Variants in KIF13A observed in about 807,000 individuals in gnomAD.
The protein encoded by KIF13A is kinesin family member 13A, also known as kinesin-like protein KIF13A.
In KIF13A, 79 loss-of-function variants were observed where a neutral mutation model predicts 212.2. The observed-to-expected ratio is 0.37, with a 90% CI of 0.31 to 0.45. The LOEUF (loss-of-function observed/expected upper bound fraction) is 0.45, where lower values mean the gene tolerates loss of function less well. Ranked by LOEUF, KIF13A falls within the 20% of genes least tolerant of loss-of-function variation. The probability of loss-of-function intolerance (pLI) is 1.00; values close to 1 mark genes in which losing one functional copy is unlikely to be tolerated. For synonymous variants in KIF13A, 789 were observed against 808.6 expected (o/e 0.98, Z 0.41); for missense variants, 1,901 against 2,209.0 (o/e 0.86, Z 2.79).
chr6:17,775,537 T>C (rs1170863496), intron 34 of KIF13A, among the ~76,000 whole-genome samples: 5 of 152,254 alleles, frequency 3.3e-5, no homozygotes, highest in Admixed American at 3.3e-4. Context: ...AAAAATTCTG[T>C]TGAGAATGAT....
rs544931891 is a variant in KIF13A, at chr6:17,984,691, T to C, written c.146+2363A>G. Among the ~76,000 whole-genome samples, 4 of 152,298 alleles carry C rather than the reference T, an allele frequency of 2.6e-5. No homozygotes were observed. The highest frequency in any genetic ancestry group is 3.9e-4 in the East Asian group (2 of 5,178). On this transcript the variant is annotated intron_variant, in intron 2 of 38. Coordinates refer to ENST00000259711, the MANE Select transcript of KIF13A (RefSeq NM_022113.6). This position sits in a 1 kb window ranked among gnomAD's most constrained non-coding sequence, Gnocchi z 5.0. ...TCAATTTCTATCCATGGCTAATTCA[T>C]TGGTAATTTCTTGCAACTTTCAGAA...
intron 2 of KIF13A, among the ~76,000 whole-genome samples, chr6:17,960,784 T>C (rs1778752001): frequency 1.3e-5 from 2 of 152,194 alleles, no homozygotes; most frequent in African/African-American, 2.4e-5. Context: ...GTCTATCATA[T>C]AGTAGTGCAG....
chr6:17,781,042 C>G (rs1225059091), intron 30 of KIF13A, 135 bp downstream of exon 30: 13 of 1,372,684 alleles, frequency 9.5e-6, no homozygotes, highest in Non-Finnish European at 7.1e-6. Flanking sequence ...CTTTTTTAAA[C>G]AGCAACACAA....
chr6:17,879,416 A>G (rs1408477502), intron 3 of KIF13A, among the ~76,000 whole-genome samples: 1 of 152,202 alleles, frequency 6.6e-6, no homozygotes, highest in Non-Finnish European at 1.5e-5. Flanking sequence ...AAGAACTATT[A>G]TGAGTAAGCA....
Position 17,809,943 on chromosome 6 carries a change from C to T in KIF13A, c.2001-1013G>A, listed in dbSNP as rs1243335973. The stretch of plus-strand genomic sequence containing the variant: ...AAAACAGTTTCTTAAAACCATATTA[C>T]CAGCTGGGGGCAGTGGCTCATGGCT... On this transcript the variant is annotated intron_variant, in intron 17 of 38. Coordinates refer to ENST00000259711, the MANE Select transcript of KIF13A (RefSeq NM_022113.6). The surrounding 1 kb of genome is among the most constrained non-coding windows in gnomAD (Gnocchi z 4.7). Among the ~76,000 whole-genome samples, 1 of 152,118 alleles carries T rather than the reference C, an allele frequency of 6.6e-6. No individual in the cohort carries two copies. The highest frequency in any genetic ancestry group is 1.5e-5 in the Non-Finnish European group (1 of 68,028).
At position 17,804,519 on chromosome 6, in the gene KIF13A, T is replaced by G; in HGVS notation, c.2305-9A>C. 20 of 1,585,386 alleles carry G rather than the reference T, an allele frequency of 1.3e-5. No homozygotes were observed. The highest frequency in any genetic ancestry group is 1.7e-5 in the Non-Finnish European group (20 of 1,164,148). ...CCGTAGAGTCTCTTTGCCTGAGAAGTAGGAGGGGCCAGTGAGTGGACGAAT... is the reference window on the plus strand; with the variant it reads ...CCGTAGAGTCTCTTTGCCTGAGAAGGAGGAGGGGCCAGTGAGTGGACGAAT... On this transcript the variant is annotated splice_polypyrimidine_tract_variant and intron_variant, in intron 19 of 38. Transcript: ENST00000259711.
At position 17,811,284 on chromosome 6, in the gene KIF13A, C is replaced by A. The variant is rs1227034756; in HGVS notation, c.2001-2354G>T. Among the ~76,000 whole-genome samples the A allele has an allele frequency of 2.6e-5, 4 of 152,172 alleles. No individual in the cohort carries two copies. The highest frequency in any genetic ancestry group is 5.9e-5 in the Non-Finnish European group (4 of 68,038). On this transcript the variant is annotated intron_variant, in intron 17 of 38. Coordinates refer to ENST00000259711, the MANE Select transcript of KIF13A (RefSeq NM_022113.6). The surrounding 1 kb of genome is among the most constrained non-coding windows in gnomAD (Gnocchi z 6.0). ...TGCTTTTCACTTCAATACATTCACACAATCAATGCATACAATATTTACTAA... is the reference window on the plus strand; with the variant it reads ...TGCTTTTCACTTCAATACATTCACAAAATCAATGCATACAATATTTACTAA...
rs186507180 is a variant in KIF13A, at chr6:17,890,959, C to T, written c.159+7209G>A. 5.9e-5 allele frequency among the ~76,000 whole-genome samples: 9 copies of T among 152,090 alleles called. No homozygotes were observed. In the East Asian group the frequency reaches 7.7e-4, roughly 13 times the overall value. ...ACAGGCATGAGCTACCACACCCAGT[C>T]GAATTTCCCTAATTTACACCTATCT... On this transcript the variant is annotated intron_variant, in intron 3 of 38. Coordinates refer to ENST00000259711, the MANE Select transcript of KIF13A (RefSeq NM_022113.6).
chr6:17,960,805 A>G (rs761890695), intron 2 of KIF13A, among the ~76,000 whole-genome samples: 3 of 152,230 alleles, frequency 2.0e-5, no homozygotes, highest in Non-Finnish European at 4.4e-5. Flanking sequence ...GAGAAACAGC[A>G]AAGTAAAAGT....
At chr6:17,981,625 T>C (rs1455269472) in intron 2 of KIF13A, among the ~76,000 whole-genome samples, 2 of 151,982 alleles carry the variant, frequency 1.3e-5, no homozygotes, top group Non-Finnish European at 2.9e-5. Context: ...GGTTTCACAA[T>C]GTTGGCCAGG....
intron 20 of KIF13A, among the ~76,000 whole-genome samples, chr6:17,803,701 G>GC (rs1762670082): frequency 6.6e-6 from 1 of 152,134 alleles, no homozygotes; most frequent in Non-Finnish European, 1.5e-5. Context: ...GGGCCAGGAA[G>GC]GAACTAGAGT....
chr6:17,865,388 T>C (rs906672600), intron 4 of KIF13A, among the ~76,000 whole-genome samples: 1 of 151,952 alleles, frequency 6.6e-6, no homozygotes, highest in African/African-American at 2.4e-5. Flanking sequence ...GCCTACTCAT[T>C]TGTGAGGGTG....
intron 20 of KIF13A, among the ~76,000 whole-genome samples, chr6:17,803,622 CTGTTT>C (rs1463256103): frequency 6.6e-6 from 1 of 152,074 alleles, no homozygotes; most frequent in Admixed American, 6.5e-5. Flanking sequence ...TCATTGAAGC[CTGTTT>C]TGTTTTGAGT....
Position 17,781,300 on chromosome 6 carries a change from C to T in KIF13A, c.3546G>A (p.Ala1182=), listed in dbSNP as rs370000382. Residue 1182 remains alanine (A), a splice_region_variant and synonymous_variant, in exon 30 of 39, where the codon GCG becomes GCA. Coordinates refer to ENST00000259711, the MANE Select transcript of KIF13A (RefSeq NM_022113.6). ...HIPVLFLDLN[A]DDLSANEQLV... is the part of the protein sequence containing the mutation. ...GCTGCTCATTGGCACTGAGGTCATCCGCTAACCACATCAGGAGCACAGAAA... is the reference window on the plus strand; with the variant it reads ...GCTGCTCATTGGCACTGAGGTCATCTGCTAACCACATCAGGAGCACAGAAA... 148 of 1,593,530 alleles carry T rather than the reference C, an allele frequency of 9.3e-5. No homozygotes were observed. Among genetic ancestry groups the T allele is most frequent in the Admixed American group, 1.7e-4 (9 of 54,402 alleles).
chr6:17,931,004 T>C (rs1775938539), intron 2 of KIF13A, among the ~76,000 whole-genome samples: 1 of 152,202 alleles, frequency 6.6e-6, no homozygotes, highest in Non-Finnish European at 1.5e-5. Context: ...AAAATATCAA[T>C]GAAACACACA....
At position 17,846,088 on chromosome 6, in the gene KIF13A, T is replaced by C. The variant is rs191687486; in HGVS notation, c.830+3289A>G. Reference sequence around the variant, plus strand: ...TTTCTGAGACAGCCTCCTGAGTAGCTGGGATTACAGGCGCCCACTACCATG... The same window carrying C: ...TTTCTGAGACAGCCTCCTGAGTAGCCGGGATTACAGGCGCCCACTACCATG... On this transcript the variant is annotated intron_variant, in intron 9 of 38. Transcript: ENST00000259711. Among the ~76,000 whole-genome samples the C allele has an allele frequency of 2.4e-4, 32 of 132,724 alleles. No homozygotes were observed. In the East Asian group the frequency reaches 7.1e-3, roughly 30 times the overall value. 87.1% of individuals were successfully genotyped at this position (132,724 alleles called of 152,430 possible). A position where few individuals can be genotyped will look rare whatever the true frequency, so the allele number is the denominator to read the frequency against.
At position 17,828,070 on chromosome 6, in the gene KIF13A, T is replaced by G. The variant is rs1177694346; in HGVS notation, c.1532+170A>C. ...TGGAACTAGAACTCGCATACAAAAA[T>G]AGTCACTCCTTCACAGTAATCACTC... On this transcript the variant is annotated intron_variant, in intron 14 of 38. Coordinates refer to ENST00000259711, the MANE Select transcript of KIF13A (RefSeq NM_022113.6). The surrounding 1 kb of genome is among the most constrained non-coding windows in gnomAD (Gnocchi z 4.3). Among the ~76,000 whole-genome samples the G allele has an allele frequency of 6.6e-6, 1 of 152,126 alleles. No individual in the cohort carries two copies. The highest frequency in any genetic ancestry group is 2.1e-4 in the South Asian group (1 of 4,828).
At position 17,815,596 on chromosome 6, in the gene KIF13A, T is replaced by C. The variant is rs1266419463; in HGVS notation, c.2000+1424A>G. On this transcript the variant is annotated intron_variant, in intron 17 of 38. Coordinates refer to ENST00000259711, the MANE Select transcript of KIF13A (RefSeq NM_022113.6). ...TCTGGTCACTTCTCACTGTGTCCCT[T>C]CAGCTCCTATCTCTGTATGGCTGGT... The C allele has an allele frequency of 9.1e-6, 4 of 440,508 alleles. No homozygotes were observed. In the East Asian group the frequency reaches 2.8e-4, roughly 31 times the overall value. The allele number at this position is 440,508 out of a possible 1,614,324, so 27.3% of individuals were successfully genotyped here.
At chr6:17,950,985 A>G (rs1229854932) in intron 2 of KIF13A, 1 of 977,630 alleles carries the variant, frequency 1.0e-6, no homozygotes, top group South Asian at 4.7e-5. Context: ...TAATTTCTCA[A>G]ATGAATATAA....
Sources: allele counts gnomAD v4.1 joint callset (sites outside exome capture counted in the v4.1 genomes callset), GRCh38; gene constraint gnomAD v4.1.1; non-coding constraint Gnocchi (gnomAD v3.1); transcripts MANE v1.5; gene names NCBI Gene and HGNC (gene_info 2026-07-23, HGNC 2026-07-21).